Variants in FHIT observed in about 807,000 individuals in gnomAD.
The protein encoded by FHIT is bis(5'-adenosyl)-triphosphatase.
In FHIT, 19 loss-of-function variants were observed where a neutral mutation model predicts 17.9. The observed-to-expected ratio is 1.06, with a 90% CI of 0.74 to 1.56. The LOEUF (loss-of-function observed/expected upper bound fraction) is 1.56, where lower values mean the gene tolerates loss of function less well. FHIT is among the 40% of genes most tolerant of loss of function. FHIT has a pLI of 0.00. For synonymous variants in FHIT, 81 were observed against 69.7 expected, an observed-to-expected ratio of 1.16 and a Z score of -0.81; for missense variants, 248 against 189.2, an observed-to-expected ratio of 1.31 and a Z score of -1.82.
At chr3:60,064,967 T>C (rs1380785193) in intron 5 of FHIT, among the ~76,000 whole-genome samples, 2 of 152,150 alleles carry the variant, frequency 1.3e-5, no homozygotes, top group South Asian at 2.1e-4. Flanking sequence ...CACATCTACA[T>C]CTAGCAAGTG....
At chr3:60,592,364 G>A (rs1383645525) in intron 4 of FHIT, among the ~76,000 whole-genome samples, 1 of 151,668 alleles carries the variant, frequency 6.6e-6, no homozygotes, top group African/African-American at 2.4e-5. Flanking sequence ...TAGTCTATTT[G>A]TTAGAAATCA....
chr3:60,189,805 A>G (rs909413591), intron 5 of FHIT, among the ~76,000 whole-genome samples: 3 of 152,230 alleles, frequency 2.0e-5, no homozygotes, highest in Admixed American at 6.5e-5. Flanking sequence ...TGTTCTGATG[A>G]AAGTTAAATT....
At chr3:60,638,874 G>T (rs1553684641) in intron 4 of FHIT, among the ~76,000 whole-genome samples, 1 of 151,524 alleles carries the variant, frequency 6.6e-6, no homozygotes, top group African/African-American at 2.4e-5. Context: ...TTAAAAAATG[G>T]TGTGTTGGGG....
chr3:59,894,794 A>C (rs980676644), intron 8 of FHIT, among the ~76,000 whole-genome samples: 1 of 152,244 alleles, frequency 6.6e-6, no homozygotes, highest in Non-Finnish European at 1.5e-5. Context: ...GACTGCTAAT[A>C]ACATGCAATC....
chr3:60,978,058 G>A (rs1416094350), intron 3 of FHIT, among the ~76,000 whole-genome samples: 1 of 152,160 alleles, frequency 6.6e-6, no homozygotes, highest in Non-Finnish European at 1.5e-5. Flanking sequence ...AAAGAGAAGA[G>A]GCGGTGTCAA....
intron 4 of FHIT, among the ~76,000 whole-genome samples, chr3:60,605,941 C>A (rs541189788): frequency 7.2e-5 from 11 of 152,268 alleles, no homozygotes; most frequent in Admixed American, 2.0e-4. Context: ...TAGTATCTGA[C>A]TGCTCTGTCA....
intron 4 of FHIT, among the ~76,000 whole-genome samples, chr3:60,689,799 T>G (rs1480201065): frequency 6.6e-6 from 1 of 152,224 alleles, no homozygotes. Context: ...CTGGGTTTCT[T>G]ATTGCTTAGT....
At chr3:60,573,350 G>A (rs369266620) in intron 4 of FHIT, among the ~76,000 whole-genome samples, 20 of 152,128 alleles carry the variant, frequency 1.3e-4, no homozygotes, top group African/African-American at 4.6e-4. Flanking sequence ...TTTAGAATTT[G>A]AATTTCTGCT....
chr3:60,204,760 A>G (rs1703093013), intron 5 of FHIT, among the ~76,000 whole-genome samples: 1 of 152,178 alleles, frequency 6.6e-6, no homozygotes, highest in Non-Finnish European at 1.5e-5. Flanking sequence ...ATTTAGATAA[A>G]TGGATATTCT....
At chr3:59,809,021 C>T (rs1332125538) in intron 8 of FHIT, among the ~76,000 whole-genome samples, 1 of 152,104 alleles carries the variant, frequency 6.6e-6, no homozygotes, top group African/African-American at 2.4e-5. Flanking sequence ...CATCCCAAGA[C>T]CTGGAAATCA....
At chr3:60,344,770 G>A (rs1254214290) in intron 5 of FHIT, among the ~76,000 whole-genome samples, 1 of 151,954 alleles carries the variant, frequency 6.6e-6, no homozygotes, top group Non-Finnish European at 1.5e-5. Context: ...CACGAAAACT[G>A]TATTCTAACA....
intron 8 of FHIT, among the ~76,000 whole-genome samples, chr3:59,762,276 GTTTCAGACTA>G (rs1203257525): frequency 2.0e-5 from 3 of 152,168 alleles, no homozygotes; most frequent in African/African-American, 7.2e-5. Context: ...TCATTTAGTA[GTTTCAGACTA>G]TGGTAAACTG....
chr3:61,095,566 T>C (rs1173468760), intron 2 of FHIT, among the ~76,000 whole-genome samples: 3 of 152,212 alleles, frequency 2.0e-5, no homozygotes, highest in Non-Finnish European at 4.4e-5. Context: ...AATGACTCTG[T>C]AGGCATTTGC....
At chr3:59,994,065 G>A (rs1699401600) in intron 7 of FHIT, among the ~76,000 whole-genome samples, 1 of 152,058 alleles carries the variant, frequency 6.6e-6, no homozygotes, top group Non-Finnish European at 1.5e-5. Context: ...GATGAGGAAA[G>A]TGAAGCTCAG....
intron 5 of FHIT, among the ~76,000 whole-genome samples, chr3:60,320,921 T>C (rs1259127220): frequency 6.6e-6 from 1 of 152,214 alleles, no homozygotes; most frequent in Non-Finnish European, 1.5e-5. Context: ...ACTATTTAAC[T>C]AATTTATTAA....
intron 3 of FHIT, among the ~76,000 whole-genome samples, chr3:60,924,408 G>A (rs566101060): frequency 5.3e-5 from 8 of 152,232 alleles, no homozygotes; most frequent in South Asian, 2.1e-4. Flanking sequence ...ACCAATATCC[G>A]CTGTTCTGCA....
chr3:60,930,062 A>T (rs541404775), intron 3 of FHIT, among the ~76,000 whole-genome samples: 195 of 152,318 alleles, frequency 1.3e-3, no homozygotes, highest in Non-Finnish European at 1.9e-3. Context: ...ATAATGCCGC[A>T]TATCTACAAC....
chr3:60,536,228 C>G (rs2035975499), intron 5 of FHIT: 2 of 152,116 alleles, frequency 1.3e-5, no homozygotes, highest in South Asian at 4.1e-4. Flanking sequence ...GGAGGAAAGA[C>G]TACAACTCAG....
At chr3:59,900,445 A>T (rs1412650246) in intron 8 of FHIT, among the ~76,000 whole-genome samples, 1 of 152,134 alleles carries the variant, frequency 6.6e-6, no homozygotes, top group Non-Finnish European at 1.5e-5. Flanking sequence ...ATTGATACAG[A>T]CAAAACTAAA....
Sources: allele counts gnomAD v4.1 joint callset (sites outside exome capture counted in the v4.1 genomes callset), GRCh38; gene constraint gnomAD v4.1.1; transcripts MANE v1.5; gene names NCBI Gene and HGNC (gene_info 2026-07-23, HGNC 2026-07-21).